ZFR: variants seen among roughly 807,000 people sequenced by gnomAD.
ZFR encodes the protein zinc finger RNA-binding protein.
In ZFR, 19 loss-of-function variants were observed where a neutral mutation model predicts 130.7. That is an observed-to-expected ratio of 0.15 (90% CI 0.10 to 0.21). The LOEUF is 0.21. Ranked by LOEUF, ZFR falls within the 10% of genes least tolerant of loss-of-function variation. The pLI, the probability that ZFR is intolerant of heterozygous loss-of-function variation, is 1.00. For missense variants in ZFR, 872 were observed against 1,321.5 expected (o/e 0.66, Z 5.27); for synonymous variants, 466 against 456.9 (o/e 1.02, Z -0.25).
At position 32,441,093 on chromosome 5, in the gene ZFR, C is replaced by T. The variant is rs528131089; in HGVS notation, c.137+3136G>A. Among the ~76,000 whole-genome samples the T allele has an allele frequency of 8.5e-5, 13 of 152,296 alleles. 1 individual carries two copies. The South Asian group carries it at 2.7e-3, about 32-fold the overall frequency. On this transcript the variant is annotated intron_variant, in intron 2 of 19. Coordinates refer to ENST00000265069, the MANE Select transcript of ZFR (RefSeq NM_016107.5). ...GGTTCAAGCGATTCTCCTGCCTCAG[C>T]CTCCAGAGTAGCTGGGATTACAGGT...
intron 17 of ZFR, among the ~76,000 whole-genome samples, chr5:32,374,488 G>C (rs1038759025): frequency 2.4e-4 from 37 of 151,964 alleles, no homozygotes; most frequent in African/African-American, 8.2e-4. Flanking sequence ...GGGGTACAGA[G>C]CGAGACTCCA....
intron 4 of ZFR, 53 bp downstream of exon 4, chr5:32,417,595 A>G (rs1753855163): frequency 6.3e-7 from 1 of 1,598,618 alleles, no homozygotes; most frequent in Non-Finnish European, 8.5e-7. Context: ...AAACGCAGTA[A>G]GTCATATACT....
At chr5:32,416,876 C>A (rs1051223339) in intron 4 of ZFR, among the ~76,000 whole-genome samples, 1 of 150,752 alleles carries the variant, frequency 6.6e-6, no homozygotes, top group African/African-American at 2.4e-5. Context: ...CACCCTCACA[C>A]CCTTCAAAAA....
intron 11 of ZFR, among the ~76,000 whole-genome samples, 190 bp from the exon 12 acceptor site, chr5:32,390,627 A>G (rs1044345983): frequency 6.6e-6 from 1 of 152,232 alleles, no homozygotes. Flanking sequence ...GAGCATGAAA[A>G]GCAGAAAATT....
intron 17 of ZFR, among the ~76,000 whole-genome samples, chr5:32,377,496 A>T (rs1752849253): frequency 6.6e-6 from 1 of 151,360 alleles, no homozygotes; most frequent in African/African-American, 2.4e-5. Flanking sequence ...GGTAACTTTC[A>T]TATAGCAAAA....
At position 32,375,428 on chromosome 5, in the gene ZFR, G is replaced by A. The variant is rs552944228; in HGVS notation, c.2835+3687C>T. Among the ~76,000 whole-genome samples the A allele has an allele frequency of 1.1e-3, 168 of 152,034 alleles. No homozygotes were observed. In the South Asian group the frequency reaches 0.031, roughly 29 times the overall value. Reference sequence around the variant, plus strand: ...TGTCAAGCAGTATTTCTTTTATTCCGTATTTGTTACTCTAGAATTATCTTT... The same window carrying A: ...TGTCAAGCAGTATTTCTTTTATTCCATATTTGTTACTCTAGAATTATCTTT... On this transcript the variant is annotated intron_variant, in intron 17 of 19. Transcript: ENST00000265069.
At chr5:32,358,614 G>A (rs1442331278) in intron 19 of ZFR, among the ~76,000 whole-genome samples, 1 of 151,526 alleles carries the variant, frequency 6.6e-6, no homozygotes, top group East Asian at 2.0e-4. Context: ...TGGGCGACAC[G>A]GCGAGACTCC....
chr5:32,415,150 A>G lies in ZFR; in HGVS notation c.603T>C (p.Tyr201=). ...CTTGTCGAGTTTGCTGGGCTTGAGT[A>G]TACTGAGTTGCACCTTGGCTGTAAC... is the stretch of plus-strand genomic sequence containing the variant. ...KAGYSQGATQ[Y]TQAQQTRQVT... is the part of the protein sequence containing the mutation. Residue 201 remains tyrosine (Y), a synonymous_variant, in exon 5 of 20, where the codon TAT becomes TAC. Coordinates refer to ENST00000265069, the MANE Select transcript of ZFR (RefSeq NM_016107.5). The G allele has an allele frequency of 6.2e-7, 1 of 1,614,114 alleles. No individual in the cohort carries two copies. Among genetic ancestry groups the G allele is most frequent in the East Asian group, 2.2e-5 (1 of 44,880 alleles).
chr5:32,408,238 ATACT>A lies in ZFR; in HGVS notation c.785-1221_785-1218del, dbSNP rs1337815868. Among the ~76,000 whole-genome samples the A allele has an allele frequency of 2.7e-5, 4 of 150,936 alleles. No individual in the cohort carries two copies. The East Asian group carries it at 5.9e-4, about 22-fold the overall frequency. On this transcript the variant is annotated intron_variant, in intron 5 of 19. Transcript: ENST00000265069. Reference sequence around the variant, plus strand: ...ATTTTTCTCATATTTAAGGATAGTGATACTTACCTTATAGATCTGTTCTAAAAAC... The same window carrying A: ...ATTTTTCTCATATTTAAGGATAGTGATACCTTATAGATCTGTTCTAAAAAC...
Position 32,415,017 on chromosome 5 carries a change from A to C in ZFR, c.736T>G (p.Ser246Ala), listed in dbSNP as rs1247129505. 14 of 1,614,000 alleles carry C rather than the reference A, an allele frequency of 8.7e-6. No individual in the cohort carries two copies. Among genetic ancestry groups the C allele is most frequent in the Admixed American group, 3.3e-5 (2 of 60,006 alleles). Reference sequence around the variant, plus strand: ...CTGTAAGTAGCACTCTGAGTATAGGATGGCACCACAGTAGCCGCAGCTGCT... The same window carrying C: ...CTGTAAGTAGCACTCTGAGTATAGGCTGGCACCACAGTAGCCGCAGCTGCT... ...PVAAAATVVP[S>A]YTQSATYSTT... Residue 246 changes from serine (S) to alanine (A), a missense_variant, in exon 5 of 20, where the codon TCC becomes GCC. Physicochemically the swap from Ser to Ala is moderately conservative, Grantham distance 99. This residue lies in a region of ZFR where 240 missense variants were observed against 441.2 expected (regional missense o/e 0.54). Coordinates refer to ENST00000265069, the MANE Select transcript of ZFR (RefSeq NM_016107.5).
intron 2 of ZFR, among the ~76,000 whole-genome samples, chr5:32,427,332 C>T (rs373223227): frequency 5.5e-4 from 77 of 141,016 alleles, no homozygotes; most frequent in African/African-American, 2.1e-3. Context: ...CTGCAGGTGG[C>T]CGTGATCGTG....
At chr5:32,403,704 C>T (rs1456530322) in intron 7 of ZFR, among the ~76,000 whole-genome samples, 1 of 152,112 alleles carries the variant, frequency 6.6e-6, no homozygotes. Context: ...TGGTTTAGTT[C>T]AATTTAAAGA....
chr5:32,405,886 G>A (rs1753569988), intron 6 of ZFR, among the ~76,000 whole-genome samples: 1 of 152,152 alleles, frequency 6.6e-6, no homozygotes, highest in Non-Finnish European at 1.5e-5. Flanking sequence ...GGGAATGTTA[G>A]AAACTGAAAA....
At chr5:32,389,874 G>C (rs1753124601) in intron 12 of ZFR, among the ~76,000 whole-genome samples, 1 of 152,210 alleles carries the variant, frequency 6.6e-6, no homozygotes, top group East Asian at 1.9e-4. Flanking sequence ...TATCAAGCTG[G>C]GTGAGGTGGC....
intron 12 of ZFR, among the ~76,000 whole-genome samples, chr5:32,389,488 A>C (rs1224073325): frequency 6.6e-6 from 1 of 152,194 alleles, no homozygotes; most frequent in Non-Finnish European, 1.5e-5. Context: ...CCAGACCAGT[A>C]AGAATAAATC....
Position 32,388,576 on chromosome 5 carries a change from A to G in ZFR, c.2241T>C (p.Ile747=). The G allele has an allele frequency of 3.1e-6, 5 of 1,614,020 alleles. No individual in the cohort carries two copies. Among genetic ancestry groups the G allele is most frequent in the Non-Finnish European group, 4.2e-6 (5 of 1,179,934 alleles). The change falls in exon 13 of 20, where the codon ATT becomes ATC. Residue 747 remains isoleucine (I), a synonymous_variant. Transcript: ENST00000265069. ...TTAAAGCACGTTCAGTAATAGAAAC[A>G]ATTTTCTGAACTGCCTGTAACTCCT... is the stretch of plus-strand genomic sequence containing the variant. ...TEEELQAVQK[I]VSITERALKL... is the part of the protein sequence containing the mutation.
rs779829328 is a variant in ZFR at position 32,419,845 on chromosome 5, GGGT to G, written c.393_395del (p.Pro133del). 1.1e-5 allele frequency: 17 copies of G among 1,606,912 alleles called. No homozygotes were observed. The highest frequency in any genetic ancestry group is 1.3e-5 in the African/African-American group (1 of 74,830). The stretch of plus-strand genomic sequence containing the variant: ...CCTGGTAGTTTTGTGTAGTAGCTGG[GGGT>G]GGTGGTGGTGGTGCTTCTTGTTGCC... On this transcript the variant is annotated inframe_deletion, in exon 3 of 20. Coordinates refer to ENST00000265069, the MANE Select transcript of ZFR (RefSeq NM_016107.5).
intron 2 of ZFR, among the ~76,000 whole-genome samples, chr5:32,431,049 T>C (rs1436614455): frequency 1.3e-5 from 2 of 152,200 alleles, no homozygotes; most frequent in African/African-American, 4.8e-5. Flanking sequence ...CACTCCAGCC[T>C]GGGCAACACA....
rs761083071 is a variant in ZFR at position 32,388,545 on chromosome 5, C to T, written c.2272G>A (p.Val758Ile). 17 of 1,613,958 alleles carry T rather than the reference C, an allele frequency of 1.1e-5. No individual in the cohort carries two copies. The highest frequency in any genetic ancestry group is 1.4e-5 in the Non-Finnish European group (16 of 1,179,920). The change falls in exon 13 of 20, where the codon GTT (valine) becomes ATT (isoleucine). Residue 758 changes from valine to isoleucine, a missense_variant. By Grantham distance (29) the Val-to-Ile change is conservative (BLOSUM62 3). This residue lies in a region of ZFR where 225 missense variants were observed against 282.4 expected (regional missense o/e 0.80). Coordinates refer to ENST00000265069, the MANE Select transcript of ZFR (RefSeq NM_016107.5). ...TCATGTTCAGACAAACTGTCTGAAA[C>T]GAGTTTTAAAGCACGTTCAGTAATA... ...VSITERALKLVSDSLSEHEKN... is the reference protein window; with the variant it reads ...VSITERALKLISDSLSEHEKN...
Sources: allele counts gnomAD v4.1 joint callset (sites outside exome capture counted in the v4.1 genomes callset), GRCh38; gene constraint gnomAD v4.1.1; regional missense constraint gnomAD v4.1.1; transcripts MANE v1.5; gene names NCBI Gene and HGNC (gene_info 2026-07-23, HGNC 2026-07-21).